The following MAGI2 variants were observed in gnomAD, a reference collection of about 807,000 sequenced individuals.
MAGI2 encodes membrane associated guanylate kinase, WW and PDZ domain containing 2.
MAGI2 carries 35 observed loss-of-function variants against 133.3 expected under a neutral mutation model. The observed-to-expected ratio is 0.26, with a 90% confidence interval of 0.20 to 0.35. MAGI2 has a LOEUF of 0.35. Among genes scored for constraint, MAGI2 ranks in the 10% least tolerant of loss-of-function variants. The pLI is 1.00. For missense variants in MAGI2, 1,636 were observed against 1,863.4 expected, an observed-to-expected ratio of 0.88 and a Z score of 2.25; for synonymous variants, 729 against 710.6, an observed-to-expected ratio of 1.03 and a Z score of -0.41.
chr7:78,490,767 T>C (rs372204548), intron 5 of MAGI2, among the ~76,000 whole-genome samples: 6 of 152,070 alleles, frequency 3.9e-5, no homozygotes, highest in African/African-American at 7.2e-5. Context: ...TAACTGCTCA[T>C]TGGAGCTAAA....
At chr7:79,171,790 T>TTTTTC (rs1825648686) in intron 1 of MAGI2, among the ~76,000 whole-genome samples, 2 of 126,584 alleles carry the variant, frequency 1.6e-5, no homozygotes, top group Admixed American at 8.2e-5. Context: ...TTTTTTTCTT[T>TTTTTC]TAAAGGGTCT....
At chr7:79,286,453 T>C (rs1836008049) in intron 1 of MAGI2, among the ~76,000 whole-genome samples, 2 of 151,982 alleles carry the variant, frequency 1.3e-5, no homozygotes, top group Admixed American at 6.6e-5. Flanking sequence ...CCACGGCACT[T>C]GCTCTCTCCA....
At chr7:78,578,402 CAT>C (rs1286132042) in intron 3 of MAGI2, among the ~76,000 whole-genome samples, 1 of 151,690 alleles carries the variant, frequency 6.6e-6, no homozygotes, top group Non-Finnish European at 1.5e-5. Flanking sequence ...GTATGTTAAA[CAT>C]AGTTGTGTGG....
chr7:79,139,654 C>A (rs1374149306), intron 1 of MAGI2, among the ~76,000 whole-genome samples: 1 of 152,156 alleles, frequency 6.6e-6, no homozygotes, highest in African/African-American at 2.4e-5. Context: ...AATTTGGTAA[C>A]TGGGAGTACT....
intron 1 of MAGI2, among the ~76,000 whole-genome samples, chr7:79,401,354 G>A (rs1845456085): frequency 6.6e-6 from 1 of 152,132 alleles, no homozygotes; most frequent in Non-Finnish European, 1.5e-5. Flanking sequence ...TAAATAATTG[G>A]AAGGATATGC....
intron 10 of MAGI2, among the ~76,000 whole-genome samples, chr7:78,201,552 T>C (rs1829253231): frequency 6.6e-6 from 1 of 152,226 alleles, no homozygotes; most frequent in African/African-American, 2.4e-5. Flanking sequence ...TGACATACAT[T>C]TTGATTTCAA....
At chr7:78,895,312 C>G (rs1172061397) in intron 2 of MAGI2, among the ~76,000 whole-genome samples, 2 of 152,138 alleles carry the variant, frequency 1.3e-5, no homozygotes, top group African/African-American at 4.8e-5. Context: ...GATTCCCCAG[C>G]CTCCAGAACT....
At chr7:79,215,765 A>T (rs1284882413) in intron 1 of MAGI2, among the ~76,000 whole-genome samples, 2 of 152,000 alleles carry the variant, frequency 1.3e-5, no homozygotes, top group Non-Finnish European at 2.9e-5. Context: ...ATCAAGCTGT[A>T]ACTCAACCAC....
At chr7:78,573,581 T>TCATTTATTCCCA (rs1394339883) in intron 3 of MAGI2, among the ~76,000 whole-genome samples, 4 of 149,310 alleles carry the variant, frequency 2.7e-5, no homozygotes, top group African/African-American at 9.9e-5. Flanking sequence ...TTGAAGCCCT[T>TCATTTATTCCCA]CATTTATTCC....
At chr7:79,186,216 A>ATT (rs1827097076) in intron 1 of MAGI2, among the ~76,000 whole-genome samples, 3 of 22,774 alleles carry the variant, frequency 1.3e-4, no homozygotes, top group Admixed American at 1.4e-3. Context: ...ATATATATAT[A>ATT]TATATATATA....
chr7:79,294,726 T>TTA (rs1346260748), intron 1 of MAGI2, among the ~76,000 whole-genome samples: 4 of 130,960 alleles, frequency 3.1e-5, no homozygotes, highest in Non-Finnish European at 4.9e-5. Context: ...GGTAGCTTTT[T>TTA]TTTTTTTTTT....
intron 16 of MAGI2, among the ~76,000 whole-genome samples, chr7:78,141,871 A>T (rs1162955304): frequency 6.6e-6 from 1 of 152,216 alleles, no homozygotes; most frequent in African/African-American, 2.4e-5. Context: ...AGCATCCTAT[A>T]GATACGATTA....
At chr7:79,122,031 T>A (rs1320916903) in intron 1 of MAGI2, among the ~76,000 whole-genome samples, 1 of 152,236 alleles carries the variant, frequency 6.6e-6, no homozygotes. Context: ...GAGATCACTG[T>A]ATATAATTGA....
In MAGI2 at chr7:78,465,713, A is replaced by G. The variant is rs150228683; in HGVS notation, c.1045+24048T>C. On this transcript the variant is annotated intron_variant, in intron 6 of 21. Coordinates refer to ENST00000354212, the MANE Select transcript of MAGI2 (RefSeq NM_012301.4). The stretch of plus-strand genomic sequence containing the variant: ...ATGGGAGGCAGAAAATGAAAGAAAA[A>G]TGTATGTTATTCCATGGCTATGATT... Among the ~76,000 whole-genome samples, 68 of 152,258 alleles carry G rather than the reference A, an allele frequency of 4.5e-4. 2 individuals carry two copies. The East Asian group carries it at 8.9e-3, about 20-fold the overall frequency.
chr7:78,186,467 C>T (rs574816185), intron 12 of MAGI2, among the ~76,000 whole-genome samples: 1 of 152,290 alleles, frequency 6.6e-6, no homozygotes, highest in East Asian at 1.9e-4. Flanking sequence ...ATGTGCAACT[C>T]CTTACTGCAT....
At chr7:78,201,127 GA>G in intron 11 of MAGI2, 34 bp downstream of exon 11, 1 of 1,397,940 alleles carries the variant, frequency 7.2e-7, no homozygotes, top group South Asian at 1.4e-5. Context: ...ATAGTAAGTA[GA>G]AATAAAGAAA....
In MAGI2 at chr7:78,831,183, T is replaced by C. The variant is rs562234959; in HGVS notation, c.418+175907A>G. Among the ~76,000 whole-genome samples the C allele has an allele frequency of 2.0e-5, 3 of 152,250 alleles. 1 individual carries two copies. The highest frequency in any genetic ancestry group is 4.1e-4 in the South Asian group (2 of 4,824). ...ATTATCAGCCACACCATAGTTTCAT[T>C]AGTAGATTCATGCCCTATTAGGCCC... On this transcript the variant is annotated intron_variant, in intron 2 of 21. Transcript: ENST00000354212.
chr7:78,778,151 C>T (rs1826128117), intron 2 of MAGI2, among the ~76,000 whole-genome samples: 8 of 152,096 alleles, frequency 5.3e-5, no homozygotes, highest in Admixed American at 5.2e-4. Flanking sequence ...TTCCATAATC[C>T]TTCATCTACA....
intron 2 of MAGI2, among the ~76,000 whole-genome samples, chr7:78,705,796 G>T (rs1330124014): frequency 6.6e-6 from 1 of 152,022 alleles, no homozygotes; most frequent in Non-Finnish European, 1.5e-5. Flanking sequence ...AACATTTCCA[G>T]GCAACAAAGA....
Sources: allele counts gnomAD v4.1 joint callset (sites outside exome capture counted in the v4.1 genomes callset), GRCh38; gene constraint gnomAD v4.1.1; transcripts MANE v1.5; gene names NCBI Gene and HGNC (gene_info 2026-07-23, HGNC 2026-07-21).